Variants in ACVR1 observed in about 807,000 individuals in gnomAD.
ACVR1 encodes the protein activin receptor type-1.
In ACVR1, 38 loss-of-function variants were observed where a neutral mutation model predicts 57.1. That is an observed-to-expected ratio of 0.67 (90% confidence interval 0.51 to 0.87). The LOEUF (loss-of-function observed/expected upper bound fraction) is 0.87. Ranked by LOEUF, ACVR1 falls within the 40% of genes least tolerant of loss-of-function variation. ACVR1 has a pLI of 0.00. For synonymous variants in ACVR1, 212 were observed against 228.1 expected (o/e 0.93, Z 0.63); for missense variants, 463 against 638.2 (o/e 0.73, Z 2.96).
intron 2 of ACVR1, among the ~76,000 whole-genome samples, chr2:157,813,529 T>C (rs1687826582): frequency 6.6e-6 from 1 of 152,264 alleles, no homozygotes; most frequent in Non-Finnish European, 1.5e-5. Flanking sequence ...TCTGTAGTGA[T>C]GTCTGCCGTT....
chr2:157,809,695 T>C (rs1276485574), intron 2 of ACVR1, among the ~76,000 whole-genome samples: 1 of 152,104 alleles, frequency 6.6e-6, no homozygotes, highest in African/African-American at 2.4e-5. Flanking sequence ...GGAGAAAGAA[T>C]GAAATCTTAA....
intron 2 of ACVR1, among the ~76,000 whole-genome samples, chr2:157,808,467 A>G (rs578025849): frequency 1.3e-5 from 2 of 152,296 alleles, no homozygotes; most frequent in South Asian, 2.1e-4. Context: ...AAATTAAAAG[A>G]TATCATTTGT....
chr2:157,855,306 GTGTATATA>G (rs1472830824), intron 1 of ACVR1, among the ~76,000 whole-genome samples: 16 of 53,150 alleles, frequency 3.0e-4, no homozygotes, highest in Non-Finnish European at 5.4e-4. Flanking sequence ...GTGTGTGTGT[GTGTATATA>G]TATATATATA....
At chr2:157,761,602 T>A (rs1685658833) in intron 8 of ACVR1, among the ~76,000 whole-genome samples, 1 of 152,228 alleles carries the variant, frequency 6.6e-6, no homozygotes, top group Admixed American at 6.5e-5. Flanking sequence ...GCAGTAATGC[T>A]GACCAAACCC....
chr2:157,763,314 A>G (rs778864530), intron 8 of ACVR1, among the ~76,000 whole-genome samples: 1 of 152,246 alleles, frequency 6.6e-6, no homozygotes, highest in Non-Finnish European at 1.5e-5. Context: ...TGGCAAAAAT[A>G]TACACATGGT....
In ACVR1 at chr2:157,757,037, TATATATAA is replaced by T. The variant is rs1168176238; in HGVS notation, c.1264+3835_1264+3842del. On this transcript the variant is annotated intron_variant, in intron 9 of 10. Transcript: ENST00000434821. ...TATATATTTGATATATATATATATA[TATATATAA>T]AATAGAATACTACTAACCCATAAAA... 5.3e-3 allele frequency among the ~76,000 whole-genome samples: 690 copies of T among 131,358 alleles called. 5 individuals carry two copies. The highest frequency in any genetic ancestry group is 0.02 in the African/African-American group (609 of 30,968). 86.2% of individuals were successfully genotyped at this position (131,358 alleles called of 152,430 possible). A position where few individuals can be genotyped will look rare whatever the true frequency, so the allele number is the denominator to read the frequency against.
At chr2:157,798,728 A>G (rs1287838787) in intron 3 of ACVR1, among the ~76,000 whole-genome samples, 1 of 151,976 alleles carries the variant, frequency 6.6e-6, no homozygotes, top group Non-Finnish European at 1.5e-5. Flanking sequence ...GGGTTTCACC[A>G]TGTTGGCCAG....
chr2:157,835,686 G>C (rs1310611575), intron 1 of ACVR1, among the ~76,000 whole-genome samples: 1 of 152,114 alleles, frequency 6.6e-6, no homozygotes, highest in Non-Finnish European at 1.5e-5. Flanking sequence ...AAATTACTTA[G>C]CAATACTCAC....
intron 2 of ACVR1, among the ~76,000 whole-genome samples, chr2:157,802,286 G>A (rs927934799): frequency 2.0e-5 from 3 of 152,152 alleles, no homozygotes; most frequent in Non-Finnish European, 2.9e-5. Flanking sequence ...CCTGTGGCCA[G>A]AGCAAGCATG....
chr2:157,855,329 C>T (rs369649271), intron 1 of ACVR1, among the ~76,000 whole-genome samples: 18,773 of 120,232 alleles, frequency 0.16, 2,231 homozygotes, highest in African/African-American at 0.28. Flanking sequence ...TATATACACA[C>T]ACACACACAC....
chr2:157,749,866 G>C (rs552460151), intron 9 of ACVR1, among the ~76,000 whole-genome samples: 2 of 152,272 alleles, frequency 1.3e-5, no homozygotes, highest in South Asian at 4.2e-4. Flanking sequence ...ACCACAGCCT[G>C]CACCCATGTG....
At chr2:157,773,105 G>A (rs1236869652) in intron 6 of ACVR1, among the ~76,000 whole-genome samples, 1 of 152,192 alleles carries the variant, frequency 6.6e-6, no homozygotes, top group African/African-American at 2.4e-5. Context: ...GAAACCATGA[G>A]CACTAGGAGG....
chr2:157,869,380 C>T (rs952183749), intron 1 of ACVR1, among the ~76,000 whole-genome samples: 1 of 152,166 alleles, frequency 6.6e-6, no homozygotes, highest in African/African-American at 2.4e-5. Flanking sequence ...ATTCAATAAA[C>T]AAACTAAGGC....
At chr2:157,773,452 A>G (rs1014993237) in intron 6 of ACVR1, among the ~76,000 whole-genome samples, 1 of 152,366 alleles carries the variant, frequency 6.6e-6, no homozygotes, top group Admixed American at 6.5e-5. Flanking sequence ...GGACTGCTAC[A>G]TAATCTTCAA....
At chr2:157,813,272 G>C (rs563049214) in intron 2 of ACVR1, among the ~76,000 whole-genome samples, 1 of 151,756 alleles carries the variant, frequency 6.6e-6, no homozygotes, top group Non-Finnish European at 1.5e-5. Context: ...GAAACTAAAC[G>C]GTTATCCCAG....
In ACVR1 at chr2:157,738,424, A is replaced by C. The variant is rs764423594; in HGVS notation, c.1395+16T>G. 6.2e-7 allele frequency: 1 copy of C among 1,614,050 alleles called. No homozygotes were observed. Among genetic ancestry groups the C allele is most frequent in the Non-Finnish European group, 8.5e-7 (1 of 1,179,910 alleles). On this transcript the variant is annotated intron_variant, in intron 10 of 10. Transcript: ENST00000434821. Reference sequence around the variant, plus strand: ...AATGGAAAAGAGCTCTAAAACTGAGAAACTGGCATTCTTACCGGGTCTGAG... The same window carrying C: ...AATGGAAAAGAGCTCTAAAACTGAGCAACTGGCATTCTTACCGGGTCTGAG...
chr2:157,773,263 T>C (rs1357941916), intron 6 of ACVR1, among the ~76,000 whole-genome samples: 1 of 152,230 alleles, frequency 6.6e-6, no homozygotes, highest in Non-Finnish European at 1.5e-5. Flanking sequence ...ATAGGCACTT[T>C]GTACCATCTT....
chr2:157,805,820 C>CTTTTT (rs1222482675), intron 2 of ACVR1, among the ~76,000 whole-genome samples: 15 of 30,178 alleles, frequency 5.0e-4, no homozygotes, highest in Admixed American at 1.2e-3. Flanking sequence ...TTTCTTTTTT[C>CTTTTT]TTTTTTTTTT....
chr2:157,865,458 T>C (rs1033762455), intron 1 of ACVR1, among the ~76,000 whole-genome samples: 1 of 152,174 alleles, frequency 6.6e-6, no homozygotes, highest in African/African-American at 2.4e-5. Flanking sequence ...TTGGTATTTA[T>C]CTCCAGATAC....
Sources: gnomAD v4.1 joint callset for allele counts (sites outside exome capture counted in the v4.1 genomes callset) on GRCh38, gnomAD v4.1.1 for gene constraint, MANE v1.5 for transcripts, NCBI Gene and HGNC (gene_info 2026-07-23, HGNC 2026-07-21) for gene names.